The following FGF12 variants were observed in gnomAD, a reference collection of about 807,000 sequenced individuals.
The protein encoded by FGF12 is fibroblast growth factor 12B.
A neutral mutation model predicts 23.6 loss-of-function variants in FGF12; 14 were observed. The ratio of observed to expected loss-of-function variants is 0.59; its 90% CI spans 0.39 to 0.93. FGF12 has a LOEUF of 0.93. FGF12 is among the 40% of genes least tolerant of loss of function. The pLI, the probability that FGF12 is intolerant of heterozygous loss-of-function variation, is 0.00. For missense variants in FGF12, 175 were observed against 217.8 expected (o/e 0.80, Z 1.24); for synonymous variants, 62 against 77.3 (o/e 0.80, Z 1.04).
At chr3:192,599,273 A>G (rs1376741735) in intron 2 of FGF12, among the ~76,000 whole-genome samples, 1 of 150,260 alleles carries the variant, frequency 6.7e-6, no homozygotes, top group Admixed American at 6.7e-5. Flanking sequence ...AATAATAATA[A>G]TAATAATAAT....
chr3:192,449,421 C>G (rs1287737247), intron 2 of FGF12, among the ~76,000 whole-genome samples: 1 of 152,166 alleles, frequency 6.6e-6, no homozygotes, highest in East Asian at 1.9e-4. Flanking sequence ...CAGTGATCAT[C>G]TTGCCATGGA....
chr3:192,165,246 C>T (rs879385691), intron 5 of FGF12, among the ~76,000 whole-genome samples: 4 of 151,820 alleles, frequency 2.6e-5, no homozygotes, highest in Non-Finnish European at 4.4e-5. Context: ...TGAGCCACTG[C>T]GTCTGTCCTA....
At chr3:192,391,114 A>C (rs1350433511) in intron 2 of FGF12, among the ~76,000 whole-genome samples, 1 of 152,230 alleles carries the variant, frequency 6.6e-6, no homozygotes, top group East Asian at 1.9e-4. Flanking sequence ...AGAGAAAAGC[A>C]TGAGCCGAAG....
chr3:192,606,493 C>T (rs1341773810), intron 2 of FGF12, among the ~76,000 whole-genome samples: 1 of 152,074 alleles, frequency 6.6e-6, no homozygotes, highest in Non-Finnish European at 1.5e-5. Flanking sequence ...ACCCAGGTAA[C>T]AAACCTGCAC....
intron 2 of FGF12, among the ~76,000 whole-genome samples, chr3:192,509,880 C>G (rs1248215528): frequency 6.6e-6 from 1 of 152,138 alleles, no homozygotes; most frequent in Non-Finnish European, 1.5e-5. Context: ...TCCATTAAAT[C>G]TTATTATTTA....
chr3:192,683,763 C>A (rs1336421708), intron 2 of FGF12, among the ~76,000 whole-genome samples: 1 of 152,164 alleles, frequency 6.6e-6, no homozygotes. Flanking sequence ...TGTTGGTCAT[C>A]CAGAAAATTC....
intron 2 of FGF12, among the ~76,000 whole-genome samples, chr3:192,624,691 G>C (rs1410154700): frequency 6.6e-6 from 1 of 152,110 alleles, no homozygotes; most frequent in Non-Finnish European, 1.5e-5. Context: ...GTAGCAAGGA[G>C]AAAGTTGCTT....
At chr3:192,583,157 C>G (rs1211224048) in intron 2 of FGF12, among the ~76,000 whole-genome samples, 1 of 152,140 alleles carries the variant, frequency 6.6e-6, no homozygotes, top group Non-Finnish European at 1.5e-5. Flanking sequence ...AGTTTGCTAT[C>G]TAATTATACA....
chr3:192,490,847 T>C (rs988656673), intron 2 of FGF12, among the ~76,000 whole-genome samples: 5 of 152,136 alleles, frequency 3.3e-5, no homozygotes, highest in African/African-American at 9.7e-5. Context: ...TAATCGATGG[T>C]GTCATCGCAA....
At chr3:192,308,015 G>T (rs11921609) in intron 4 of FGF12, among the ~76,000 whole-genome samples, 3 of 152,030 alleles carry the variant, frequency 2.0e-5, no homozygotes, top group Non-Finnish European at 2.9e-5. Flanking sequence ...ACCAAGAAAC[G>T]CACGTTAGAA....
chr3:192,554,262 C>A lies in FGF12; in HGVS notation c.13+172919G>T, dbSNP rs535239287. On this transcript the variant is annotated intron_variant, in intron 2 of 5. Coordinates refer to ENST00000445105, the MANE Select transcript of FGF12 (RefSeq NM_004113.6). The stretch of plus-strand genomic sequence containing the variant: ...GCCAGAAGAGAAGAGTAGAGTATGC[C>A]TCTAGTGGTCTGGCTTTTCAGGGAG... Among the ~76,000 whole-genome samples, 3 of 152,224 alleles carry A rather than the reference C, an allele frequency of 2.0e-5. No individual in the cohort carries two copies. The East Asian group carries it at 5.8e-4, about 29-fold the overall frequency.
At chr3:192,361,547 C>T (rs193096326) in intron 2 of FGF12, among the ~76,000 whole-genome samples, 105 of 152,206 alleles carry the variant, frequency 6.9e-4, no homozygotes, top group African/African-American at 2.5e-3. Context: ...ACATGGTATC[C>T]TCAGAAGGAC....
intron 3 of FGF12, among the ~76,000 whole-genome samples, chr3:192,342,862 C>T (rs2108710836): frequency 6.6e-6 from 1 of 152,216 alleles, no homozygotes; most frequent in African/African-American, 2.4e-5. Flanking sequence ...CTATGTTTTA[C>T]TCAGCTTAAT....
chr3:192,505,057 G>A (rs992162166), intron 2 of FGF12, among the ~76,000 whole-genome samples: 12 of 152,116 alleles, frequency 7.9e-5, no homozygotes, highest in Non-Finnish European at 1.8e-4. Flanking sequence ...GCATTGAGTA[G>A]ACTGGTACGT....
intron 2 of FGF12, among the ~76,000 whole-genome samples, chr3:192,653,557 G>T (rs1012962109): frequency 6.6e-6 from 1 of 152,094 alleles, no homozygotes; most frequent in Non-Finnish European, 1.5e-5. Context: ...TTCTGAGAAC[G>T]CAGTACAGAT....
intron 2 of FGF12, among the ~76,000 whole-genome samples, chr3:192,718,393 C>A (rs1706134294): frequency 6.6e-6 from 1 of 152,016 alleles, no homozygotes. Flanking sequence ...AGAGAACAAG[C>A]AGCTGATCAT....
intron 2 of FGF12, among the ~76,000 whole-genome samples, chr3:192,590,604 T>C (rs1300325653): frequency 6.6e-6 from 1 of 151,852 alleles, no homozygotes; most frequent in East Asian, 1.9e-4. Context: ...TCAACAGAAA[T>C]TATTTCTACA....
chr3:192,280,586 A>G (rs1354984990), intron 4 of FGF12, among the ~76,000 whole-genome samples: 1 of 152,172 alleles, frequency 6.6e-6, no homozygotes, highest in African/African-American at 2.4e-5. Flanking sequence ...TCTTATGTGC[A>G]AAATACTGCT....
At chr3:192,364,050 A>T (rs968934672) in intron 2 of FGF12, among the ~76,000 whole-genome samples, 1 of 152,222 alleles carries the variant, frequency 6.6e-6, no homozygotes, top group African/African-American at 2.4e-5. Flanking sequence ...GAAGGTTGGG[A>T]TAAGGCACTT....
Sources: allele counts gnomAD v4.1 joint callset (sites outside exome capture counted in the v4.1 genomes callset), GRCh38; gene constraint gnomAD v4.1.1; transcripts MANE v1.5; gene names NCBI Gene and HGNC (gene_info 2026-07-23, HGNC 2026-07-21).